Variants in ACOT11 observed in about 807,000 individuals in gnomAD.
The protein encoded by ACOT11 is acyl-coenzyme A thioesterase 11.
In ACOT11, 69 loss-of-function variants were observed where a neutral mutation model predicts 77.5. That is an observed-to-expected ratio of 0.89 (90% CI 0.73 to 1.09). The LOEUF (loss-of-function observed/expected upper bound fraction) is 1.09. Ranked by LOEUF, ACOT11 falls within the 50% of genes least tolerant of loss-of-function variation. The pLI, the probability that ACOT11 is intolerant of heterozygous loss-of-function variation, is 0.00. For missense variants in ACOT11, 766 were observed against 813.7 expected, an observed-to-expected ratio of 0.94 and a Z score of 0.71; for synonymous variants, 279 against 313.0, an observed-to-expected ratio of 0.89 and a Z score of 1.15.
intron 15 of ACOT11, chr1:54,623,428 G>A (rs200643210): frequency 3.9e-5 from 60 of 1,545,754 alleles, no homozygotes; most frequent in Non-Finnish European, 4.6e-5. Flanking sequence ...CCCCAACTCC[G>A]TGCGGCCCAG....
chr1:54,585,282 G>C (rs2100979677), intron 2 of ACOT11, among the ~76,000 whole-genome samples: 2 of 152,316 alleles, frequency 1.3e-5, no homozygotes, highest in Admixed American at 1.3e-4. Context: ...TCACAGCCTG[G>C]TAGGGTGGGG....
chr1:54,626,181 A>C (rs911984260), intron 15 of ACOT11, among the ~76,000 whole-genome samples: 1 of 150,964 alleles, frequency 6.6e-6, no homozygotes, highest in Non-Finnish European at 1.5e-5. Flanking sequence ...GATGCAGGAG[A>C]ATCGCTTGAA....
chr1:54,590,159 G>GTC (rs139006981), intron 3 of ACOT11, among the ~76,000 whole-genome samples: 6,410 of 151,726 alleles, frequency 0.042, 449 homozygotes, highest in African/African-American at 0.15. Context: ...CTCTGGCACC[G>GTC]TCTCTCTCTC....
intron 6 of ACOT11, 66 bp downstream of exon 6, chr1:54,594,757 C>A (rs1243602407): frequency 6.5e-7 from 1 of 1,549,410 alleles, no homozygotes; most frequent in Non-Finnish European, 8.7e-7. Context: ...CTGCCCCGGG[C>A]TCCCACTGGG....
chr1:54,635,381 T>C, exon 17 of ACOT11: 1 of 301,658 alleles, frequency 3.3e-6, no homozygotes, highest in Non-Finnish European at 6.2e-6. Flanking sequence ...ACCATGGCGG[T>C]ATAGTGGCAC....
At chr1:54,608,263 C>CT (rs1644056238) in intron 15 of ACOT11, among the ~76,000 whole-genome samples, 195 bp downstream of exon 15, 2 of 152,144 alleles carry the variant, frequency 1.3e-5, no homozygotes, top group Non-Finnish European at 1.5e-5. Flanking sequence ...TCAGAGGCCA[C>CT]TGCATGGTCT....
chr1:54,561,352 G>A (rs1365702832), intron 1 of ACOT11, among the ~76,000 whole-genome samples: 1 of 95,738 alleles, frequency 1.0e-5, no homozygotes, highest in Non-Finnish European at 2.0e-5. Flanking sequence ...AGCACATCTT[G>A]CACCGCCCTT....
chr1:54,626,175 C>T (rs980487531), intron 15 of ACOT11, among the ~76,000 whole-genome samples: 2 of 151,276 alleles, frequency 1.3e-5, no homozygotes, highest in African/African-American at 4.9e-5. Flanking sequence ...CAGGCTGATG[C>T]AGGAGAATCG....
intron 15 of ACOT11, among the ~76,000 whole-genome samples, chr1:54,627,278 G>A (rs2101031495): frequency 7.4e-6 from 1 of 135,096 alleles, no homozygotes; most frequent in Admixed American, 7.6e-5. Context: ...TCCTCCCTGG[G>A]AAAGAGGCCG....
chr1:54,562,548 C>A (rs1387246539), intron 1 of ACOT11, among the ~76,000 whole-genome samples: 1 of 98,082 alleles, frequency 1.0e-5, no homozygotes, highest in African/African-American at 4.1e-5. Flanking sequence ...GGGGCTGACC[C>A]ACCCCCCACC....
rs890025801 is a variant in ACOT11, at chr1:54,605,283, G to A, written c.1370+74G>A. 54 of 1,543,774 alleles carry A rather than the reference G, an allele frequency of 3.5e-5. No individual in the cohort carries two copies. The African/African-American group carries it at 6.5e-4, about 19-fold the overall frequency. On this transcript the variant is annotated intron_variant, in intron 13 of 15. Coordinates refer to ENST00000343744, the MANE Select transcript of ACOT11 (RefSeq NM_147161.4). Reference sequence around the variant, plus strand: ...GAGGGAGAGAGTGTCTCCTTCTGCGGGTCATCCTCCATGATGCTCTGCCCT... The same window carrying A: ...GAGGGAGAGAGTGTCTCCTTCTGCGAGTCATCCTCCATGATGCTCTGCCCT...
chr1:54,561,046 G>T (rs1438265837), intron 1 of ACOT11, among the ~76,000 whole-genome samples: 1 of 151,814 alleles, frequency 6.6e-6, no homozygotes, highest in Admixed American at 6.6e-5. Flanking sequence ...GATTACAGGT[G>T]TGAGCCATCG....
At chr1:54,549,488 G>A (rs1233081920) in intron 1 of ACOT11, among the ~76,000 whole-genome samples, 1 of 152,128 alleles carries the variant, frequency 6.6e-6, no homozygotes, top group African/African-American at 2.4e-5. Context: ...CAGCCTTCCT[G>A]CATCTCCCCA....
At chr1:54,620,227 G>A (rs1465211777) in intron 15 of ACOT11, among the ~76,000 whole-genome samples, 1 of 152,202 alleles carries the variant, frequency 6.6e-6, no homozygotes, top group African/African-American at 2.4e-5. Flanking sequence ...GTCAGGAAAG[G>A]GGGCAGGTTC....
chr1:54,570,144 T>G (rs1228395272), intron 1 of ACOT11, among the ~76,000 whole-genome samples: 1 of 152,216 alleles, frequency 6.6e-6, no homozygotes, highest in Non-Finnish European at 1.5e-5. Context: ...ATTTCCCTCA[T>G]GAGGTGTCTT....
At chr1:54,592,448 T>G in intron 3 of ACOT11, 98 bp from the exon 4 acceptor site, 2 of 1,200,656 alleles carry the variant, frequency 1.7e-6, no homozygotes, top group Non-Finnish European at 1.2e-6. Flanking sequence ...GAAGTTATCC[T>G]GCCAGCTCCC....
chr1:54,609,926 A>T lies in ACOT11; in HGVS notation c.*814A>T. 1 of 1,605,960 alleles carries T rather than the reference A, an allele frequency of 6.2e-7. No homozygotes were observed. The highest frequency in any genetic ancestry group is 1.3e-5 in the African/African-American group (1 of 75,048). ...TCCCTCGAGGCCAGTGTTCAGCAGG[A>T]TCATGCCTTCTGTGTCTGGAAGAGG... On this transcript the variant is annotated 3_prime_UTR_variant, in exon 16 of 16. Coordinates refer to ENST00000343744, the MANE Select transcript of ACOT11 (RefSeq NM_147161.4).
At position 54,599,183 on chromosome 1, in the gene ACOT11, T is replaced by A. The variant is rs1463013204; in HGVS notation, c.765-113T>A. The A allele has an allele frequency of 3.0e-3, 37 of 12,144 alleles. 5 individuals carry two copies. Among genetic ancestry groups the A allele is most frequent in the African/African-American group, 2.7e-3 (7 of 2,556 alleles). 0.8% of individuals were successfully genotyped at this position (12,144 alleles called of 1,614,324 possible). A position where few individuals can be genotyped will look rare whatever the true frequency, so the allele number is the denominator to read the frequency against. ...AAAAAAAAAAAAAAAAAAAAAAAAATATATATATATATATATATATATATA... is the reference window on the plus strand; with the variant it reads ...AAAAAAAAAAAAAAAAAAAAAAAAAAATATATATATATATATATATATATA... On this transcript the variant is annotated intron_variant, in intron 7 of 15. Coordinates refer to ENST00000343744, the MANE Select transcript of ACOT11 (RefSeq NM_147161.4).
chr1:54,579,600 C>G (rs552143504), intron 1 of ACOT11, among the ~76,000 whole-genome samples: 1 of 152,302 alleles, frequency 6.6e-6, no homozygotes, highest in South Asian at 2.1e-4. Context: ...TTAGTCAGCT[C>G]CCTCATACTG....
Sources: gnomAD v4.1 joint callset for allele counts (sites outside exome capture counted in the v4.1 genomes callset) on GRCh38, gnomAD v4.1.1 for gene constraint, MANE v1.5 for transcripts, NCBI Gene and HGNC (gene_info 2026-07-23, HGNC 2026-07-21) for gene names.